Variants in KALRN observed in about 807,000 individuals in gnomAD.
KALRN encodes the protein kalirin RhoGEF kinase.
KALRN carries 70 observed loss-of-function variants against 353.7 expected under a neutral mutation model. The observed-to-expected ratio is 0.20, with a 90% CI of 0.16 to 0.24. The LOEUF (loss-of-function observed/expected upper bound fraction) is 0.24. KALRN is among the 10% of genes least tolerant of loss of function. KALRN has a pLI of 1.00. For missense variants in KALRN, 2,791 were observed against 3,756.7 expected (o/e 0.74, Z 6.72); for synonymous variants, 1,391 against 1,434.8 (o/e 0.97, Z 0.69).
intron 34 of KALRN, among the ~76,000 whole-genome samples, chr3:124,583,285 G>T (rs1489108496): frequency 6.6e-6 from 1 of 152,094 alleles, no homozygotes; most frequent in Non-Finnish European, 1.5e-5. Context: ...CTTTATGAGT[G>T]TTGTGTGTTT....
In KALRN at chr3:124,329,886, G is replaced by C; in HGVS notation, c.1310G>C (p.Cys437Ser). The C allele has an allele frequency of 6.2e-7, 1 of 1,613,792 alleles. No individual in the cohort carries two copies. The highest frequency in any genetic ancestry group is 8.5e-7 in the Non-Finnish European group (1 of 1,179,848). ...EQFLSGVDAW[C>S]KMCSEGGLPS... is the part of the protein sequence containing the mutation. ...TTCCTGTCGGGAGTGGATGCCTGGT[G>C]CAAGATGTGCAGTGAAGGTGGTCTG... Residue 437 changes from cysteine (C) to serine (S), a missense_variant, in exon 8 of 60, where the codon TGC (cysteine) becomes TCC (serine). Physicochemically the swap from Cys to Ser is moderately radical, Grantham distance 112. This residue lies in a region of KALRN where 366 missense variants were observed against 489.2 expected (regional missense o/e 0.75). Transcript: ENST00000682506.
At chr3:124,600,905 C>T (rs970817048) in intron 34 of KALRN, among the ~76,000 whole-genome samples, 2 of 152,134 alleles carry the variant, frequency 1.3e-5, no homozygotes, top group African/African-American at 4.8e-5. Context: ...CTGAAAGTGC[C>T]CAGGGTAGAA....
rs772848474 is a variant in KALRN at position 124,584,806 on chromosome 3, G to A, written c.5182+21717G>A. 3 of 1,596,906 alleles carry A rather than the reference G, an allele frequency of 1.9e-6. No individual in the cohort carries two copies. In the African/African-American group the frequency reaches 4.0e-5, roughly 21 times the overall value. ...GCGCCCCGTGCCATGCGGGAGCGCT[G>A]GGGCGGCGGGGCAACATGAAGGGCG... On this transcript the variant is annotated intron_variant, in intron 34 of 59. Coordinates refer to ENST00000682506, the MANE Select transcript of KALRN (RefSeq NM_001388419.1).
chr3:124,394,580 T>A (rs1419801147), intron 11 of KALRN, among the ~76,000 whole-genome samples: 1 of 152,244 alleles, frequency 6.6e-6, no homozygotes, highest in Non-Finnish European at 1.5e-5. Context: ...GAAATTAAGA[T>A]AAGCCACATC....
intron 5 of KALRN, among the ~76,000 whole-genome samples, chr3:124,271,109 G>T (rs540809495): frequency 7.9e-5 from 12 of 152,330 alleles, no homozygotes; most frequent in Admixed American, 3.3e-4. Context: ...GAGATTACAG[G>T]CGTGAGCCAC....
At chr3:124,454,134 C>T (rs1190981196) in intron 21 of KALRN, among the ~76,000 whole-genome samples, 2 of 152,218 alleles carry the variant, frequency 1.3e-5, no homozygotes, top group African/African-American at 2.4e-5. Flanking sequence ...CTCCTGCTCT[C>T]TAATGGAAAC....
chr3:124,342,302 C>T lies in KALRN; in HGVS notation c.1648-4841C>T, dbSNP rs558479609. Among the ~76,000 whole-genome samples, 28 of 152,292 alleles carry T rather than the reference C, an allele frequency of 1.8e-4. 1 individual carries two copies. The South Asian group carries it at 5.4e-3, about 29-fold the overall frequency. On this transcript the variant is annotated intron_variant, in intron 9 of 59. Transcript: ENST00000682506. ...ATATTGTACTCATTAAGTAATTTCT[C>T]ATCACCCAGCCCCTTCTCCCTTTCC...
intron 57 of KALRN, among the ~76,000 whole-genome samples, chr3:124,704,361 T>C (rs1048801502): frequency 2.0e-5 from 3 of 152,206 alleles, no homozygotes; most frequent in African/African-American, 7.2e-5. Flanking sequence ...ATGGCTGATT[T>C]GATATTTCTC....
chr3:124,167,184 A>G (rs574090201), intron 1 of KALRN, among the ~76,000 whole-genome samples: 1 of 152,196 alleles, frequency 6.6e-6, no homozygotes, highest in Non-Finnish European at 1.5e-5. Context: ...GACTGGGCCC[A>G]GGGCTCCCTT....
At chr3:124,103,504 T>C (rs1380265834) in intron 1 of KALRN, among the ~76,000 whole-genome samples, 1 of 152,140 alleles carries the variant, frequency 6.6e-6, no homozygotes, top group Non-Finnish European at 1.5e-5. Flanking sequence ...GGTGGCTTGT[T>C]ATCAAAGAAA....
intron 18 of KALRN, 23 bp from the exon 19 acceptor site, chr3:124,441,922 C>T: frequency 6.9e-7 from 1 of 1,453,886 alleles, no homozygotes; most frequent in South Asian, 1.3e-5. Context: ...GGGACAGGGG[C>T]CTCACAGCTT....
At chr3:124,547,293 C>A (rs556909231) in intron 33 of KALRN, among the ~76,000 whole-genome samples, 1 of 150,526 alleles carries the variant, frequency 6.6e-6, no homozygotes, top group South Asian at 2.1e-4. Flanking sequence ...ATCCACTGTG[C>A]CAGGCCAAAA....
intron 34 of KALRN, among the ~76,000 whole-genome samples, chr3:124,630,234 A>G (rs888700812): frequency 6.6e-6 from 1 of 152,200 alleles, no homozygotes; most frequent in Non-Finnish European, 1.5e-5. Context: ...GCATGCCCAC[A>G]TCTGCCACAT....
chr3:124,259,825 G>C (rs1429117998), intron 3 of KALRN, among the ~76,000 whole-genome samples: 1 of 152,238 alleles, frequency 6.6e-6, no homozygotes, highest in Non-Finnish European at 1.5e-5. Flanking sequence ...GGGGTATAAA[G>C]AGTGCCGGGT....
chr3:124,355,709 C>CTTT (rs3055894), intron 10 of KALRN, among the ~76,000 whole-genome samples: 239 of 97,396 alleles, frequency 2.5e-3, no homozygotes, highest in Middle Eastern at 7.1e-3. Flanking sequence ...TCTCTCCCAT[C>CTTT]TTTTTTTTTT....
intron 1 of KALRN, among the ~76,000 whole-genome samples, chr3:124,220,841 A>G: frequency 6.6e-6 from 1 of 152,104 alleles, no homozygotes; most frequent in East Asian, 1.9e-4. Context: ...CTATTCTACC[A>G]CTAACCTCAG....
chr3:124,276,544 C>T (rs1203929742), intron 5 of KALRN, among the ~76,000 whole-genome samples: 1 of 152,204 alleles, frequency 6.6e-6, no homozygotes, highest in Non-Finnish European at 1.5e-5. Context: ...CTCTTCTCTT[C>T]CCCACACCTC....
intron 9 of KALRN, among the ~76,000 whole-genome samples, chr3:124,337,015 C>G (rs2081201100): frequency 6.6e-6 from 1 of 152,230 alleles, no homozygotes; most frequent in Middle Eastern, 3.4e-3. Context: ...GATTTTGTAT[C>G]TTGAGACTTT....
At chr3:124,408,367 T>C (rs1014281116) in intron 13 of KALRN, among the ~76,000 whole-genome samples, 1 of 152,220 alleles carries the variant, frequency 6.6e-6, no homozygotes, top group Non-Finnish European at 1.5e-5. Context: ...AAATCAATTC[T>C]TGGAGCAGCC....
Sources: allele counts gnomAD v4.1 joint callset (sites outside exome capture counted in the v4.1 genomes callset), GRCh38; gene constraint gnomAD v4.1.1; regional missense constraint gnomAD v4.1.1; transcripts MANE v1.5; gene names NCBI Gene and HGNC (gene_info 2026-07-23, HGNC 2026-07-21).